Variants in ICE2 observed in about 807,000 individuals in gnomAD.
The protein encoded by ICE2 is interactor of little elongation complex ELL subunit 2.
Under a neutral mutation model 105.4 loss-of-function variants are expected in ICE2, and 87 were observed. The ratio of observed to expected loss-of-function variants is 0.83; its 90% CI spans 0.69 to 0.99. The LOEUF (loss-of-function observed/expected upper bound fraction) is 0.99. Ranked by LOEUF, ICE2 falls within the 50% of genes least tolerant of loss-of-function variation. The probability of loss-of-function intolerance (pLI) is 0.00; values close to 1 mark genes in which losing one functional copy is unlikely to be tolerated. For missense variants in ICE2, 1,323 were observed against 1,146.7 expected, an observed-to-expected ratio of 1.15 and a Z score of -2.22; for synonymous variants, 399 against 392.0, an observed-to-expected ratio of 1.02 and a Z score of -0.21.
At chr15:60,429,783 A>T (rs2063415993) in intron 14 of ICE2, among the ~76,000 whole-genome samples, 1 of 152,206 alleles carries the variant, frequency 6.6e-6, no homozygotes, top group African/African-American at 2.4e-5. Context: ...ATTTCCATAT[A>T]AAGAAATGAA....
At chr15:60,449,987 A>G in intron 9 of ICE2, 146 bp from the exon 10 acceptor site, 1 of 656,310 alleles carries the variant, frequency 1.5e-6, no homozygotes, top group East Asian at 2.7e-5. Context: ...CTTGTTTAAG[A>G]TGACAACAAA....
At chr15:60,439,570 A>G (rs1372366397) in intron 12 of ICE2, 1 of 152,070 alleles carries the variant, frequency 6.6e-6, no homozygotes, top group African/African-American at 2.4e-5. Context: ...TTAAGTAGAG[A>G]CAGGGTTTCA....
intron 15 of ICE2, among the ~76,000 whole-genome samples, chr15:60,424,282 T>TA (rs139152945): frequency 0.036 from 5,016 of 138,184 alleles, 262 homozygotes; most frequent in African/African-American, 0.12. Flanking sequence ...AAAAGGGAAG[T>TA]AAAAAAAAAA....
chr15:60,475,049 G>C (rs926684072), intron 3 of ICE2, among the ~76,000 whole-genome samples: 7 of 152,208 alleles, frequency 4.6e-5, no homozygotes, highest in Non-Finnish European at 7.3e-5. Context: ...GGACAGAAAA[G>C]ATAACTGAGA....
chr15:60,465,902 C>A (rs531248874), intron 5 of ICE2, among the ~76,000 whole-genome samples: 1 of 152,052 alleles, frequency 6.6e-6, no homozygotes, highest in African/African-American at 2.4e-5. Flanking sequence ...CAAGCGCCCA[C>A]CACCACGACT....
chr15:60,455,531 T>C, intron 6 of ICE2, 89 bp from the exon 7 acceptor site: 1 of 768,092 alleles, frequency 1.3e-6, no homozygotes, highest in South Asian at 1.7e-5. Flanking sequence ...AACTCTTAAC[T>C]TGAACTTTAT....
At chr15:60,445,735 C>A (rs965207577) in intron 11 of ICE2, 1 of 985,232 alleles carries the variant, frequency 1.0e-6, no homozygotes, top group Non-Finnish European at 1.2e-6. Context: ...CCAAAATTTC[C>A]CTAGGCTATT....
rs747283835 is a variant in ICE2 at position 60,423,730 on chromosome 15, G to C, written c.2853C>G (p.His951Gln). ...IGGTRMPTRS[H>Q]RNPVSMETKS... The stretch of plus-strand genomic sequence containing the variant: ...TGGTTTCCATGGAAACTGGATTCCT[G>C]TGGCTGCGTGTAGGCATTCTCGTTC... The change falls in exon 16 of 16, where the codon CAC becomes CAG. Residue 951 changes from histidine (H) to glutamine (Q), a missense_variant. His to Gln is a conservative substitution (Grantham distance 24, BLOSUM62 0). Transcript: ENST00000261520. 3.1e-6 allele frequency: 5 copies of C among 1,601,566 alleles called. No homozygotes were observed. In the East Asian group the frequency reaches 1.1e-4, roughly 36 times the overall value.
chr15:60,436,664 G>C (rs2063595793), intron 12 of ICE2, among the ~76,000 whole-genome samples: 1 of 143,272 alleles, frequency 7.0e-6, no homozygotes, highest in Non-Finnish European at 1.5e-5. Flanking sequence ...GCAGCAGTGA[G>C]CTGAGACTGC....
intron 3 of ICE2, among the ~76,000 whole-genome samples, chr15:60,475,410 T>C (rs1396354323): frequency 2.0e-5 from 3 of 152,204 alleles, no homozygotes; most frequent in Admixed American, 1.3e-4. Context: ...TGTGAGTATA[T>C]CTTACAGAAA....
chr15:60,424,459 T>C (rs2063297028), intron 15 of ICE2, among the ~76,000 whole-genome samples: 1 of 31,780 alleles, frequency 3.1e-5, no homozygotes, highest in Non-Finnish European at 7.8e-5. Flanking sequence ...CCTTCAAGTC[T>C]ACCCTTCCTT....
intron 15 of ICE2, among the ~76,000 whole-genome samples, chr15:60,428,111 A>G (rs986333540): frequency 2.7e-4 from 41 of 152,228 alleles, no homozygotes; most frequent in Admixed American, 4.6e-4. Context: ...AATAAAAATT[A>G]CAAAAAACCC....
chr15:60,455,263 TA>T, intron 7 of ICE2, 62 bp downstream of exon 7: 1 of 1,539,502 alleles, frequency 6.5e-7, no homozygotes. Context: ...ACAATCGGGT[TA>T]GATATATTTT....
chr15:60,432,614 C>T (rs1248988371), intron 13 of ICE2, among the ~76,000 whole-genome samples: 2 of 151,768 alleles, frequency 1.3e-5, no homozygotes, highest in South Asian at 2.1e-4. Context: ...AAACGCTGGC[C>T]GGGTGCAGTG....
rs778059018 is a variant in ICE2, at chr15:60,456,662, C to A, written c.661G>T (p.Ala221Ser). 3.8e-6 allele frequency: 6 copies of A among 1,572,884 alleles called. No homozygotes were observed. The highest frequency in any genetic ancestry group is 5.2e-6 in the Non-Finnish European group (6 of 1,161,972). ...CGTCTGATAATAAACCTTACCAATGCGAGAAGAGTTTTTTCTAACTTTAAT... is the reference window on the plus strand; with the variant it reads ...CGTCTGATAATAAACCTTACCAATGAGAGAAGAGTTTTTTCTAACTTTAAT... ...MGLKLEKTLL[A>S]LGSVKYVKTV... The change falls in exon 6 of 16, where the codon GCA becomes TCA. Residue 221 changes from alanine to serine, a missense_variant. Coordinates refer to ENST00000261520, the MANE Select transcript of ICE2 (RefSeq NM_024611.6).
chr15:60,423,797 G>A, intron 15 of ICE2, 35 bp from the exon 16 acceptor site: 1 of 1,537,690 alleles, frequency 6.5e-7, no homozygotes, highest in East Asian at 2.3e-5. Context: ...ATAGCTTAAT[G>A]TATCTACAAC....
At chr15:60,457,118 A>G (rs1386100077) in intron 5 of ICE2, among the ~76,000 whole-genome samples, 1 of 152,178 alleles carries the variant, frequency 6.6e-6, no homozygotes, top group Non-Finnish European at 1.5e-5. Flanking sequence ...AGTTATATGA[A>G]TAATTAGAAA....
In ICE2 at chr15:60,464,763, A is replaced by G. The variant is rs550117959; in HGVS notation, c.528+1831T>C. ...CTCTTCCTAAGAAAGATGGGCTGTA[A>G]TCCCAGCACTCTGAGAGGCTGACGC... On this transcript the variant is annotated intron_variant, in intron 5 of 15. Transcript: ENST00000261520. Among the ~76,000 whole-genome samples, 32 of 152,288 alleles carry G rather than the reference A, an allele frequency of 2.1e-4. 1 individual carries two copies. The South Asian group carries it at 6.6e-3, about 32-fold the overall frequency.
intron 5 of ICE2, among the ~76,000 whole-genome samples, chr15:60,459,155 A>C (rs1464459968): frequency 6.6e-6 from 1 of 152,204 alleles, no homozygotes; most frequent in African/African-American, 2.4e-5. Context: ...ATCACTGAAA[A>C]TGGTTGAGAA....
Sources: gnomAD v4.1 joint callset for allele counts (sites outside exome capture counted in the v4.1 genomes callset) on GRCh38, gnomAD v4.1.1 for gene constraint, MANE v1.5 for transcripts, NCBI Gene and HGNC (gene_info 2026-07-23, HGNC 2026-07-21) for gene names.